The following SHC3 variants were observed in gnomAD, a reference collection of about 807,000 sequenced individuals.
The protein encoded by SHC3 is SHC adaptor protein 3, also known as SHC-transforming protein 3.
In SHC3, 15 loss-of-function variants were observed where a neutral mutation model predicts 60.4. The observed-to-expected ratio is 0.25, with a 90% CI of 0.17 to 0.38. The LOEUF (loss-of-function observed/expected upper bound fraction) is 0.38, where lower values mean the gene tolerates loss of function less well. Ranked by LOEUF, SHC3 falls within the 10% of genes least tolerant of loss-of-function variation. SHC3 has a pLI of 1.00. For missense variants in SHC3, 677 were observed against 786.1 expected (o/e 0.86, Z 1.66); for synonymous variants, 294 against 325.9 (o/e 0.90, Z 1.05).
chr9:89,067,685 A>T (rs1825205451), intron 5 of SHC3, among the ~76,000 whole-genome samples: 1 of 152,234 alleles, frequency 6.6e-6, no homozygotes, highest in Non-Finnish European at 1.5e-5. Flanking sequence ...ATGAAGAGAC[A>T]TTGAACTTAA....
At chr9:89,159,040 G>C (rs1046943994) in intron 1 of SHC3, among the ~76,000 whole-genome samples, 1 of 152,036 alleles carries the variant, frequency 6.6e-6, no homozygotes, top group Non-Finnish European at 1.5e-5. Context: ...GGGTAGACAT[G>C]AGTCTGTATT....
chr9:89,062,081 C>G (rs1464463783), intron 6 of SHC3, among the ~76,000 whole-genome samples: 1 of 152,100 alleles, frequency 6.6e-6, no homozygotes, highest in Non-Finnish European at 1.5e-5. Flanking sequence ...TACATGCCTT[C>G]TGTAGGCAGT....
At chr9:89,145,248 G>A (rs1291503070) in intron 1 of SHC3, among the ~76,000 whole-genome samples, 1 of 152,248 alleles carries the variant, frequency 6.6e-6, no homozygotes, top group Non-Finnish European at 1.5e-5. Context: ...CAAACACCAT[G>A]CATACATCAG....
chr9:89,137,999 G>A (rs1826342565), intron 1 of SHC3, among the ~76,000 whole-genome samples: 1 of 152,236 alleles, frequency 6.6e-6, no homozygotes, highest in Non-Finnish European at 1.5e-5. Context: ...TGAAAGGGCA[G>A]GAAGCCAAAC....
intron 1 of SHC3, among the ~76,000 whole-genome samples, chr9:89,119,934 T>C (rs574921743): frequency 2.0e-5 from 3 of 152,224 alleles, no homozygotes; most frequent in South Asian, 2.1e-4. Context: ...ATGGGAACCA[T>C]TGAAGAAAGG....
chr9:89,027,733 AG>A (rs1448678107), intron 11 of SHC3, among the ~76,000 whole-genome samples: 1 of 152,238 alleles, frequency 6.6e-6, no homozygotes, highest in Non-Finnish European at 1.5e-5. Flanking sequence ...TAAAAACAAA[AG>A]GGAAGGAGGC....
intron 1 of SHC3, among the ~76,000 whole-genome samples, chr9:89,128,525 A>G (rs1031310609): frequency 1.3e-5 from 2 of 152,156 alleles, no homozygotes; most frequent in African/African-American, 4.8e-5. Flanking sequence ...CACCTCATAC[A>G]GCTCGGTGCC....
chr9:89,123,687 C>T (rs1018502449), intron 1 of SHC3, among the ~76,000 whole-genome samples: 5 of 152,138 alleles, frequency 3.3e-5, no homozygotes, highest in Admixed American at 1.3e-4. Flanking sequence ...TACATCATTC[C>T]GTCCTCCTGT....
chr9:89,099,538 C>G (rs1182176112), intron 2 of SHC3, among the ~76,000 whole-genome samples: 1 of 152,188 alleles, frequency 6.6e-6, no homozygotes, highest in Non-Finnish European at 1.5e-5. Flanking sequence ...ATCCTGCAAG[C>G]TTTAATGCTT....
At chr9:89,089,907 C>G (rs115668095) in intron 2 of SHC3, among the ~76,000 whole-genome samples, 1 of 152,196 alleles carries the variant, frequency 6.6e-6, no homozygotes, top group Non-Finnish European at 1.5e-5. Flanking sequence ...AGGCAGAGTG[C>G]GTCACCCAGA....
At chr9:89,108,077 G>C (rs771801432) in intron 2 of SHC3, among the ~76,000 whole-genome samples, 20 of 152,144 alleles carry the variant, frequency 1.3e-4, no homozygotes, top group Non-Finnish European at 2.5e-4. Flanking sequence ...AATTTGGTAC[G>C]TCACACATGC....
chr9:89,167,905 G>A (rs2118259834), intron 1 of SHC3, among the ~76,000 whole-genome samples: 1 of 152,292 alleles, frequency 6.6e-6, no homozygotes, highest in African/African-American at 2.4e-5. Flanking sequence ...TCAATGTAAG[G>A]TGGCTACATG....
At chr9:89,053,995 A>G (rs1824905024) in intron 6 of SHC3, among the ~76,000 whole-genome samples, 1 of 152,204 alleles carries the variant, frequency 6.6e-6, no homozygotes, top group African/African-American at 2.4e-5. Context: ...GTTTTGGAGA[A>G]TGAGAAAAAA....
In SHC3 at chr9:89,012,168, T is replaced by C. The variant is rs1349845200; in HGVS notation, c.*1279A>G. On this transcript the variant is annotated 3_prime_UTR_variant, in exon 12 of 12. Transcript: ENST00000375835. ...ATTCTTTAAAGGGCATCTGTGAAAA[T>C]CACAGGGCAATCTCAGCCCAGATAG... 1 of 152,094 alleles carries C rather than the reference T, an allele frequency of 6.6e-6. No individual in the cohort carries two copies. The highest frequency in any genetic ancestry group is 2.4e-5 in the African/African-American group (1 of 41,402). The allele number at this position is 152,094 out of a possible 1,614,324, so 9.4% of individuals were successfully genotyped here. A position where few individuals can be genotyped will look rare whatever the true frequency, so the allele number is the denominator to read the frequency against.
rs779863885 is a variant in SHC3 at position 89,045,766 on chromosome 9, T to C, written c.1181A>G (p.Gln394Arg). 6.2e-7 allele frequency: 1 copy of C among 1,614,186 alleles called. No individual in the cohort carries two copies. The change falls in exon 9 of 12, where the codon CAG (glutamine) becomes CGG (arginine). Residue 394 changes from glutamine (Q) to arginine (R), a missense_variant. By Grantham distance (43) the Gln-to-Arg change is conservative. Transcript: ENST00000375835. ...HLGDTFGEDW[Q>R]QTPLRQGSSD... The stretch of plus-strand genomic sequence containing the variant: ...CTCACCTTGCCTTAAAGGTGTTTGC[T>C]GCCAGTCTTCGCCAAAAGTGTCTCC...
At chr9:89,104,760 C>T (rs896561277) in intron 2 of SHC3, among the ~76,000 whole-genome samples, 1 of 152,202 alleles carries the variant, frequency 6.6e-6, no homozygotes, top group African/African-American at 2.4e-5. Context: ...TATCCTCTCA[C>T]CCTCCAATCC....
intron 2 of SHC3, among the ~76,000 whole-genome samples, chr9:89,096,217 T>C (rs931267583): frequency 1.7e-4 from 26 of 152,196 alleles, no homozygotes; most frequent in Admixed American, 5.9e-4. Flanking sequence ...TGCCTTCTAC[T>C]AAGTAGGCAT....
intron 11 of SHC3, chr9:89,037,371 A>C (rs1401543034): frequency 3.2e-6 from 2 of 618,028 alleles, no homozygotes; most frequent in South Asian, 2.0e-5. Context: ...AGGTTGATTT[A>C]ACTGCATTTA....
intron 1 of SHC3, among the ~76,000 whole-genome samples, chr9:89,129,033 T>C (rs147363388): frequency 6.6e-6 from 1 of 152,114 alleles, no homozygotes; most frequent in Non-Finnish European, 1.5e-5. Flanking sequence ...AATGGCTAAC[T>C]AGAATAAACA....
Sources: gnomAD v4.1 joint callset for allele counts (sites outside exome capture counted in the v4.1 genomes callset) on GRCh38, gnomAD v4.1.1 for gene constraint, MANE v1.5 for transcripts, NCBI Gene and HGNC (gene_info 2026-07-23, HGNC 2026-07-21) for gene names.